The following CYFIP1 variants were observed in gnomAD, a reference collection of about 807,000 sequenced individuals.
CYFIP1 encodes the protein cytoplasmic FMR1-interacting protein 1.
In CYFIP1, 58 loss-of-function variants were observed where a neutral mutation model predicts 163.5. The ratio of observed to expected loss-of-function variants is 0.35; its 90% CI spans 0.29 to 0.44. CYFIP1 has a LOEUF of 0.44. CYFIP1 is among the 20% of genes least tolerant of loss of function. The pLI is 1.00. For missense variants in CYFIP1, 1,338 were observed against 1,653.8 expected, an observed-to-expected ratio of 0.81 and a Z score of 3.31; for synonymous variants, 663 against 660.7, an observed-to-expected ratio of 1.00 and a Z score of -0.05.
At chr15:22,935,937 A>G (rs2061697578) in intron 9 of CYFIP1, among the ~76,000 whole-genome samples, 1 of 152,212 alleles carries the variant, frequency 6.6e-6, no homozygotes, top group Non-Finnish European at 1.5e-5. Context: ...AAAGCTGGGA[A>G]AAAGTGAAAG....
chr15:22,964,407 A>ACACACC (rs2039899377), intron 1 of CYFIP1, among the ~76,000 whole-genome samples: 6 of 135,676 alleles, frequency 4.4e-5, no homozygotes, highest in South Asian at 2.5e-4. Flanking sequence ...ACACACACAC[A>ACACACC]CCCGGCAGCC....
chr15:22,914,577 G>A, intron 17 of CYFIP1, 149 bp downstream of exon 17: 1 of 711,536 alleles, frequency 1.4e-6, no homozygotes, highest in Non-Finnish European at 2.1e-6. Context: ...TCTCATTTTT[G>A]TAGAGACTGG....
intron 21 of CYFIP1, among the ~76,000 whole-genome samples, chr15:22,907,492 G>T (rs559156868): frequency 6.6e-6 from 1 of 152,208 alleles, no homozygotes; most frequent in Non-Finnish European, 1.5e-5. Context: ...CATCATAAAA[G>T]AAATTCATGG....
At chr15:22,947,391 T>C (rs569777575) in intron 1 of CYFIP1, 100 bp from the exon 2 acceptor site, 18 of 1,502,842 alleles carry the variant, frequency 1.2e-5, no homozygotes, top group Non-Finnish European at 1.5e-5. Flanking sequence ...CTTCCCGCTC[T>C]CCCGAGGGCA....
At position 22,964,303 on chromosome 15, in the gene CYFIP1, C is replaced by CAT. The variant is rs1257382852; in HGVS notation, c.-7+15983_-7+15984insAT. Among the ~76,000 whole-genome samples, 8 of 115,426 alleles carry CAT rather than the reference C, an allele frequency of 6.9e-5. No individual in the cohort carries two copies. In the East Asian group the frequency reaches 1.2e-3, roughly 17 times the overall value. The allele number at this position is 115,426 out of a possible 152,430, so 75.7% of individuals were successfully genotyped here. A position where few individuals can be genotyped will look rare whatever the true frequency, so the allele number is the denominator to read the frequency against. On this transcript the variant is annotated intron_variant, in intron 1 of 30. Transcript: ENST00000617928. ...ACACACACACACACACACACACACA[C>CAT]ACACACACACAACTGGCGGCCCCAC...
At chr15:22,894,563 T>C (rs2060174351) in intron 22 of CYFIP1, among the ~76,000 whole-genome samples, 1 of 151,700 alleles carries the variant, frequency 6.6e-6, no homozygotes, top group South Asian at 2.1e-4. Flanking sequence ...GTGCTGGGAT[T>C]ACAGGCATGA....
intron 13 of CYFIP1, among the ~76,000 whole-genome samples, chr15:22,925,490 G>A (rs2061329336): frequency 6.6e-6 from 1 of 152,156 alleles, no homozygotes. Flanking sequence ...CAGTGTGAAA[G>A]CAGAGTGAAG....
intron 21 of CYFIP1, among the ~76,000 whole-genome samples, chr15:22,907,278 A>G (rs2060616781): frequency 6.6e-6 from 1 of 152,172 alleles, no homozygotes; most frequent in South Asian, 2.1e-4. Flanking sequence ...CTTGACTCCA[A>G]TGGTGCCAGG....
At chr15:22,944,465 G>T in intron 5 of CYFIP1, 93 bp downstream of exon 5, 1 of 834,164 alleles carries the variant, frequency 1.2e-6, no homozygotes, top group Non-Finnish European at 2.0e-6. Context: ...CAGGCACTCT[G>T]TTCAGGGTGT....
intron 26 of CYFIP1, among the ~76,000 whole-genome samples, chr15:22,877,415 G>A (rs2059617127): frequency 1.3e-5 from 2 of 152,102 alleles, no homozygotes; most frequent in Non-Finnish European, 2.9e-5. Flanking sequence ...CACTGCCACA[G>A]CAACACAAAA....
chr15:22,897,483 T>G (rs2060273946), intron 22 of CYFIP1, among the ~76,000 whole-genome samples: 1 of 151,176 alleles, frequency 6.6e-6, no homozygotes, highest in Admixed American at 6.6e-5. Context: ...GGGTTGTTTT[T>G]TTTTTTTGTT....
intron 1 of CYFIP1, among the ~76,000 whole-genome samples, chr15:22,957,408 A>G (rs1270277814): frequency 3.3e-5 from 5 of 152,144 alleles, no homozygotes; most frequent in South Asian, 2.1e-4. Context: ...AGGCCGAGGC[A>G]GGTGGATCAC....
chr15:22,882,717 G>GT, intron 24 of CYFIP1, 151 bp downstream of exon 24: 1 of 814,202 alleles, frequency 1.2e-6, no homozygotes, highest in South Asian at 1.8e-5. Flanking sequence ...GATGAGGGAA[G>GT]TATCAAACTA....
intron 3 of CYFIP1, among the ~76,000 whole-genome samples, chr15:22,945,784 T>A (rs1472255549): frequency 6.6e-6 from 1 of 151,712 alleles, no homozygotes; most frequent in Non-Finnish European, 1.5e-5. Flanking sequence ...GGTTTCACCA[T>A]GTTGGCCAGG....
chr15:22,878,343 C>G (rs184201978), intron 26 of CYFIP1, among the ~76,000 whole-genome samples: 22 of 152,148 alleles, frequency 1.4e-4, no homozygotes, highest in Non-Finnish European at 3.2e-4. Flanking sequence ...GAGACAGATG[C>G]CTGGACCAGC....
intron 11 of CYFIP1, 92 bp from the exon 12 acceptor site, chr15:22,928,120 C>A: frequency 7.3e-7 from 1 of 1,368,030 alleles, no homozygotes; most frequent in South Asian, 1.6e-5. Flanking sequence ...ACCCCAAAGT[C>A]ACACGTGTGA....
At position 22,925,976 on chromosome 15, in the gene CYFIP1, C is replaced by A. The variant is rs1250485911; in HGVS notation, c.1359+6G>T. ...TGAGGAAGAGCGAGCGGCCGAGCAT[C>A]CTCACCTCCACTAGGGCAAACTTCT... On this transcript the variant is annotated splice_donor_region_variant and intron_variant, in intron 13 of 30. Coordinates refer to ENST00000617928, the MANE Select transcript of CYFIP1 (RefSeq NM_014608.6). 2 of 1,612,832 alleles carry A rather than the reference C, an allele frequency of 1.2e-6. No individual in the cohort carries two copies. The highest frequency in any genetic ancestry group is 3.3e-5 in the Admixed American group (2 of 59,962).
At chr15:22,959,176 G>A (rs1353646203) in intron 1 of CYFIP1, among the ~76,000 whole-genome samples, 2 of 152,340 alleles carry the variant, frequency 1.3e-5, no homozygotes, top group South Asian at 2.1e-4. Context: ...GGGAGGGGCT[G>A]TTTCTTTCCC....
chr15:22,936,662 C>A (rs2061720739), intron 9 of CYFIP1, among the ~76,000 whole-genome samples: 1 of 152,224 alleles, frequency 6.6e-6, no homozygotes, highest in Non-Finnish European at 1.5e-5. Context: ...ATGCACCCAA[C>A]AGAGGACAGT....
Sources: gnomAD v4.1 joint callset for allele counts (sites outside exome capture counted in the v4.1 genomes callset) on GRCh38, gnomAD v4.1.1 for gene constraint, MANE v1.5 for transcripts, NCBI Gene and HGNC (gene_info 2026-07-23, HGNC 2026-07-21) for gene names.